THAP9: variants seen among roughly 807,000 people sequenced by gnomAD.
THAP9 encodes the protein DNA transposase THAP9.
In THAP9, 20 loss-of-function variants were observed where a neutral mutation model predicts 35.7. That is an observed-to-expected ratio of 0.56 (90% confidence interval 0.39 to 0.81). The LOEUF (loss-of-function observed/expected upper bound fraction) is 0.81. Among genes scored for constraint, THAP9 ranks in the 40% least tolerant of loss-of-function variants. THAP9 has a pLI of 0.00. For synonymous variants in THAP9, 335 were observed against 373.7 expected (o/e 0.90, Z 1.19); for missense variants, 870 against 1,047.4 (o/e 0.83, Z 2.34).
In THAP9 at chr4:82,918,535, T is replaced by G. The variant is rs1470564240; in HGVS notation, c.2323T>G (p.Cys775Gly). Residue 775 changes from cysteine to glycine, a missense_variant, in exon 5 of 5, where the codon TGT (cysteine) becomes GGT (glycine). This residue lies in a region of THAP9 where 414 missense variants were observed against 500.8 expected (regional missense o/e 0.83). Coordinates refer to ENST00000302236, the MANE Select transcript of THAP9 (RefSeq NM_024672.6). ...AAGTCTGTGTCGGGTCATAAATATT[T>G]GTGAGCGAGTTGTAAGAACCCATTC... ...SESLCRVINI[C>G]ERVVRTHSRM... 1 of 1,614,156 alleles carries G rather than the reference T, an allele frequency of 6.2e-7. No individual in the cohort carries two copies. The highest frequency in any genetic ancestry group is 1.1e-5 in the South Asian group (1 of 91,078).
At chr4:82,904,058 C>T (rs865865765) in intron 1 of THAP9, among the ~76,000 whole-genome samples, 13 of 82,202 alleles carry the variant, frequency 1.6e-4, no homozygotes, top group Admixed American at 5.7e-4. Flanking sequence ...TAGGCTCCCC[C>T]TTTTTTTTTT....
At position 82,906,612 on chromosome 4, in the gene THAP9, C is replaced by T. The variant is rs371788466; in HGVS notation, c.565C>T (p.Arg189Ter). Residue 189 changes from arginine to a stop codon, truncating the protein, a stop_gained, in exon 3 of 5, where the codon CGA becomes TGA. Transcript: ENST00000302236. LOFTEE classifies it high-confidence loss of function. ...LLSEETECLLRAQFSDFKWEL... is the reference protein window; with the variant it reads ...LLSEETECLL ...TTCTGAAGAAACAGAGTGTCTGCTA[C>T]GAGCTCAATTTTCAGGTACTTCCCC... 16 of 1,592,684 alleles carry T rather than the reference C, an allele frequency of 1.0e-5. No homozygotes were observed. Among genetic ancestry groups the T allele is most frequent in the East Asian group, 2.2e-5 (1 of 44,614 alleles).
At chr4:82,905,444 C>T (rs1422036260) in intron 2 of THAP9, among the ~76,000 whole-genome samples, 2 of 152,128 alleles carry the variant, frequency 1.3e-5, no homozygotes, top group Non-Finnish European at 2.9e-5. Flanking sequence ...TACCCCTTAA[C>T]CACAACTCTG....
chr4:82,905,035 G>A, intron 2 of THAP9, 104 bp downstream of exon 2: 1 of 1,015,156 alleles, frequency 9.9e-7, no homozygotes, highest in Non-Finnish European at 1.4e-6. Flanking sequence ...AAAAACCCAA[G>A]TCTTAAATCC....
rs1721176705 is a variant in THAP9 at position 82,919,777 on chromosome 4, C to G, written c.*853C>G. 1 of 152,214 alleles carries G rather than the reference C, an allele frequency of 6.6e-6. No homozygotes were observed. Among genetic ancestry groups the G allele is most frequent in the African/African-American group, 2.4e-5 (1 of 41,458 alleles). The allele number at this position is 152,214 out of a possible 1,614,324, so 9.4% of individuals were successfully genotyped here. ...GGACAGAAAAACATAGGTAACTCTA[C>G]TTTCACAAATGAGGATAGTTTAACG... is the stretch of plus-strand genomic sequence containing the variant. On this transcript the variant is annotated 3_prime_UTR_variant, in exon 5 of 5. Transcript: ENST00000302236.
At chr4:82,901,053 AG>A in intron 1 of THAP9, 171 bp downstream of exon 1, 2 of 798,194 alleles carry the variant, frequency 2.5e-6, no homozygotes, top group Non-Finnish European at 4.3e-6. Flanking sequence ...GTGAGAATTG[AG>A]ATTCTCTCTC....
intron 4 of THAP9, among the ~76,000 whole-genome samples, chr4:82,913,060 A>C (rs187055670): frequency 6.6e-6 from 1 of 152,312 alleles, no homozygotes; most frequent in East Asian, 1.9e-4. Flanking sequence ...TTTTTTAAAA[A>C]GAATGTGTCT....
At chr4:82,901,000 T>C in intron 1 of THAP9, 118 bp downstream of exon 1, 1 of 1,227,866 alleles carries the variant, frequency 8.1e-7, no homozygotes, top group Non-Finnish European at 1.2e-6. Context: ...TGACGCGACG[T>C]GACGTGCGCA....
rs1307436067 is a variant in THAP9, at chr4:82,918,308, G to T, written c.2096G>T (p.Cys699Phe). Residue 699 changes from cysteine (C) to phenylalanine (F), a missense_variant, in exon 5 of 5, where the codon TGT (cysteine) becomes TTT (phenylalanine). Cys to Phe is a radical substitution (Grantham distance 205, BLOSUM62 -2). Around this residue, in one of 3 missense-constraint regions of THAP9, gnomAD observed 414 missense variants for 500.8 expected, o/e 0.83. Coordinates refer to ENST00000302236, the MANE Select transcript of THAP9 (RefSeq NM_024672.6). The part of the protein sequence containing the change: ...EEGICQDWSH[C>F]SLSEALLDLS... The stretch of plus-strand genomic sequence containing the variant: ...GGTATTTGTCAAGACTGGTCTCATT[G>T]TTCACTAAGTGAGGCATTACTAGAC... 1.2e-6 allele frequency: 2 copies of T among 1,614,148 alleles called. No individual in the cohort carries two copies. Among genetic ancestry groups the T allele is most frequent in the Admixed American group, 3.3e-5 (2 of 60,022 alleles).
chr4:82,906,369 C>G lies in THAP9; in HGVS notation c.322C>G (p.Leu108Val), dbSNP rs188344467. ...TAAAGGTAAAGCAAGACAAAAAATC[C>G]TAAAACAACCTCTTCCAGACAATTC... is the stretch of plus-strand genomic sequence containing the variant. Reference protein sequence around the residue: ...HLKGKARQKILKQPLPDNSQE... With the variant: ...HLKGKARQKIVKQPLPDNSQE... The change falls in exon 3 of 5, where the codon CTA becomes GTA. Residue 108 changes from leucine to valine, a missense_variant. Leu to Val is a conservative substitution (Grantham distance 32). Around this residue, in one of 3 missense-constraint regions of THAP9, gnomAD observed 440 missense variants for 501.2 expected, o/e 0.88. Coordinates refer to ENST00000302236, the MANE Select transcript of THAP9 (RefSeq NM_024672.6). 6.2e-6 allele frequency: 10 copies of G among 1,608,302 alleles called. No homozygotes were observed. The highest frequency in any genetic ancestry group is 6.8e-6 in the Non-Finnish European group (8 of 1,176,970).
At chr4:82,910,872 T>C (rs1338756090) in intron 4 of THAP9, 1 of 293,076 alleles carries the variant, frequency 3.4e-6, no homozygotes, top group Non-Finnish European at 7.4e-6. Flanking sequence ...TTGATGACCA[T>C]GACAAAAGCA....
chr4:82,907,091 A>C (rs973402526), intron 3 of THAP9, among the ~76,000 whole-genome samples: 8 of 152,168 alleles, frequency 5.3e-5, no homozygotes, highest in Non-Finnish European at 1.0e-4. Context: ...TTTCTAAAAT[A>C]TTCTATAGAG....
rs368903026 is a variant in THAP9, at chr4:82,918,239, G to C, written c.2027G>C (p.Arg676Pro). The C allele has an allele frequency of 1.9e-6, 3 of 1,614,064 alleles. No homozygotes were observed. Among genetic ancestry groups the C allele is most frequent in the African/African-American group, 2.7e-5 (2 of 74,930 alleles). Residue 676 changes from arginine (R) to proline (P), a missense_variant, in exon 5 of 5, where the codon CGT (arginine) becomes CCT (proline). Arg to Pro is a moderately radical substitution (Grantham distance 103). Transcript: ENST00000302236. ...GACTTGGCGCTTTGGACAGTTCAAC[G>C]TCAGTATGGTGTCAGCGTTACAAAG... ...RKDLALWTVQRQYGVSVTKTV... is the reference protein window; with the variant it reads ...RKDLALWTVQPQYGVSVTKTV...
At chr4:82,901,075 G>C (rs1027859640) in intron 1 of THAP9, 193 bp downstream of exon 1, 32 of 745,302 alleles carry the variant, frequency 4.3e-5, no homozygotes, top group Non-Finnish European at 7.3e-5. Context: ...TTCCCGCCCA[G>C]TGTTTACCTC....
chr4:82,900,992 A>C, intron 1 of THAP9, 110 bp downstream of exon 1: 1 of 1,265,384 alleles, frequency 7.9e-7, no homozygotes, highest in Admixed American at 2.0e-5. Context: ...CGCGTGTGTG[A>C]CGCGACGTGA....
intron 2 of THAP9, 93 bp from the exon 3 acceptor site, chr4:82,906,231 A>G (rs1437090751): frequency 4.7e-6 from 5 of 1,058,266 alleles, no homozygotes; most frequent in Non-Finnish European, 6.7e-6. Flanking sequence ...CTCCACAGCA[A>G]CCAGATTAGT....
chr4:82,915,417 C>T (rs1221185192), intron 4 of THAP9, among the ~76,000 whole-genome samples: 3 of 151,982 alleles, frequency 2.0e-5, no homozygotes, highest in Non-Finnish European at 4.4e-5. Context: ...CCACCATGCC[C>T]AGCTAATTTT....
chr4:82,912,550 G>A lies in THAP9; in HGVS notation c.732-4394G>A, dbSNP rs147725842. Among the ~76,000 whole-genome samples, 183 of 152,254 alleles carry A rather than the reference G, an allele frequency of 1.2e-3. 1 individual carries two copies. The highest frequency in any genetic ancestry group is 3.9e-3 in the African/African-American group (164 of 41,528). ...TATTGGTTTGTTAATTTAAAATATC[G>A]TGTTGATGAGAGTATAAATGAAAAT... On this transcript the variant is annotated intron_variant, in intron 4 of 4. Transcript: ENST00000302236.
At chr4:82,908,751 C>T (rs959527614) in intron 4 of THAP9, among the ~76,000 whole-genome samples, 3 of 152,012 alleles carry the variant, frequency 2.0e-5, no homozygotes, top group Non-Finnish European at 4.4e-5. Context: ...TGTGCCACCA[C>T]ACCCAGCTAC....
Sources: gnomAD v4.1 joint callset for allele counts (sites outside exome capture counted in the v4.1 genomes callset) on GRCh38, gnomAD v4.1.1 for gene constraint, gnomAD v4.1.1 regional missense constraint, MANE v1.5 for transcripts, NCBI Gene and HGNC (gene_info 2026-07-23, HGNC 2026-07-21) for gene names.